Variants in PCDH9 observed in about 807,000 individuals in gnomAD.
PCDH9 encodes the protein protocadherin-9.
Under a neutral mutation model 70.6 loss-of-function variants are expected in PCDH9, and 24 were observed. The ratio of observed to expected loss-of-function variants is 0.34; its 90% confidence interval spans 0.25 to 0.48. The LOEUF (loss-of-function observed/expected upper bound fraction) is 0.48, where lower values mean the gene tolerates loss of function less well. Among genes scored for constraint, PCDH9 ranks in the 20% least tolerant of loss-of-function variants. The pLI is 0.99. For missense variants in PCDH9, 1,281 were observed against 1,503.6 expected, an observed-to-expected ratio of 0.85 and a Z score of 2.45; for synonymous variants, 562 against 558.5, an observed-to-expected ratio of 1.01 and a Z score of -0.09.
rs73503500 is a variant in PCDH9 at position 66,940,597 on chromosome 13, T to C, written c.3037-36992A>G. Among the ~76,000 whole-genome samples, 218 of 152,202 alleles carry C rather than the reference T, an allele frequency of 1.4e-3. 1 individual carries two copies. The highest frequency in any genetic ancestry group is 5.2e-3 in the African/African-American group (215 of 41,558). On this transcript the variant is annotated intron_variant, in intron 2 of 4. Transcript: ENST00000377865. ...TTTGAATAATAAAGAGCATCAAAACTGTAATGAAAGAAAATGAAAATCAGT... is the reference window on the plus strand; with the variant it reads ...TTTGAATAATAAAGAGCATCAAAACCGTAATGAAAGAAAATGAAAATCAGT...
At chr13:66,438,614 C>T (rs7986387) in intron 4 of PCDH9, among the ~76,000 whole-genome samples, 142,121 of 152,272 alleles carry the variant, frequency 0.93, 66,755 homozygotes, top group Non-Finnish European at 0.98. Context: ...GTGACTGTTA[C>T]GGCCCTTGCA....
chr13:66,416,750 A>G (rs1157741568), intron 4 of PCDH9, among the ~76,000 whole-genome samples: 2 of 152,146 alleles, frequency 1.3e-5, no homozygotes, highest in Admixed American at 1.3e-4. Context: ...TGTAGCAACA[A>G]AATTGGTAGT....
intron 2 of PCDH9, among the ~76,000 whole-genome samples, chr13:67,046,805 T>C (rs2139920782): frequency 6.6e-6 from 1 of 152,160 alleles, no homozygotes; most frequent in African/African-American, 2.4e-5. Flanking sequence ...AATATAAACT[T>C]ATTTTTATCT....
intron 2 of PCDH9, among the ~76,000 whole-genome samples, chr13:67,122,943 CATT>C (rs1167214081): frequency 1.3e-5 from 2 of 151,914 alleles, no homozygotes; most frequent in Non-Finnish European, 2.9e-5. Flanking sequence ...ACAACTCTGT[CATT>C]ATTTTTGTTA....
At chr13:67,140,036 C>CCCA in intron 2 of PCDH9, among the ~76,000 whole-genome samples, 1 of 131,462 alleles carries the variant, frequency 7.6e-6, no homozygotes, top group Admixed American at 7.9e-5. Flanking sequence ...CCCCCCCCCC[C>CCCA]CCGCCCATTG....
intron 4 of PCDH9, among the ~76,000 whole-genome samples, chr13:66,410,044 G>A (rs1049702937): frequency 6.6e-5 from 10 of 151,974 alleles, no homozygotes; most frequent in South Asian, 2.1e-4. Flanking sequence ...CACTTCACAC[G>A]GGAAATCAAT....
At chr13:66,562,760 C>A (rs2138713403) in intron 4 of PCDH9, among the ~76,000 whole-genome samples, 1 of 152,148 alleles carries the variant, frequency 6.6e-6, no homozygotes, top group South Asian at 2.1e-4. Context: ...GTGGTCAGAG[C>A]AAAGCTGTCT....
chr13:66,850,543 A>T (rs1375158109), intron 3 of PCDH9, among the ~76,000 whole-genome samples: 1 of 152,088 alleles, frequency 6.6e-6, no homozygotes, highest in African/African-American at 2.4e-5. Context: ...ATGTAAGTTA[A>T]ATTAGCAACA....
intron 2 of PCDH9, among the ~76,000 whole-genome samples, chr13:67,159,403 A>C (rs1452615848): frequency 6.6e-6 from 1 of 152,210 alleles, no homozygotes. Flanking sequence ...ACATGACTTG[A>C]AGCCATCATA....
At position 66,807,883 on chromosome 13, in the gene PCDH9, G is replaced by A. The variant is rs1393606177; in HGVS notation, c.3138+95621C>T. 2.6e-5 allele frequency among the ~76,000 whole-genome samples: 4 copies of A among 152,070 alleles called. No individual in the cohort carries two copies. The South Asian group carries it at 6.2e-4, about 24-fold the overall frequency. On this transcript the variant is annotated intron_variant, in intron 3 of 4. Transcript: ENST00000377865. The stretch of plus-strand genomic sequence containing the variant: ...ATGAACTTTCATGAACTCATGGATG[G>A]TAAAATCTAAAGAAGTCAGATATAC...
chr13:66,834,798 A>C (rs945860263), intron 3 of PCDH9, among the ~76,000 whole-genome samples: 3 of 152,232 alleles, frequency 2.0e-5, no homozygotes, highest in South Asian at 2.1e-4. Context: ...CTGTAAGTGA[A>C]GCTTCCTACT....
At chr13:67,072,368 CT>C (rs890795683) in intron 2 of PCDH9, among the ~76,000 whole-genome samples, 2 of 152,136 alleles carry the variant, frequency 1.3e-5, no homozygotes, top group African/African-American at 4.8e-5. Context: ...TTAGAACAGC[CT>C]TTGCTGAGGT....
intron 2 of PCDH9, among the ~76,000 whole-genome samples, chr13:67,037,199 T>G (rs996611861): frequency 3.3e-5 from 5 of 152,194 alleles, no homozygotes; most frequent in African/African-American, 9.6e-5. Flanking sequence ...GGAGAAGTTT[T>G]GGATTTTTGT....
rs142902243 is a variant in PCDH9 at position 66,559,015 on chromosome 13, T to C, written c.3340+72195A>G. On this transcript the variant is annotated intron_variant, in intron 4 of 4. Coordinates refer to ENST00000377865, the MANE Select transcript of PCDH9 (RefSeq NM_203487.3). ...CACAGAGTTTTGAAGTCTTGATAAGTGGGGTCAGTAGGAATGATTAAAAGG... is the reference window on the plus strand; with the variant it reads ...CACAGAGTTTTGAAGTCTTGATAAGCGGGGTCAGTAGGAATGATTAAAAGG... 1.9e-3 allele frequency among the ~76,000 whole-genome samples: 292 copies of C among 152,192 alleles called. 1 individual carries two copies. The highest frequency in any genetic ancestry group is 6.6e-3 in the African/African-American group (276 of 41,528).
In PCDH9 at chr13:66,776,836, A is replaced by G. The variant is rs948154860; in HGVS notation, c.3138+126668T>C. Among the ~76,000 whole-genome samples, 3 of 136,452 alleles carry G rather than the reference A, an allele frequency of 2.2e-5. 1 individual carries two copies. The highest frequency in any genetic ancestry group is 4.8e-5 in the Non-Finnish European group (3 of 62,564). 89.5% of individuals were successfully genotyped at this position (136,452 alleles called of 152,430 possible). On this transcript the variant is annotated intron_variant, in intron 3 of 4. Transcript: ENST00000377865. Reference sequence around the variant, plus strand: ...CGCATCACCAAGTCAATCCTAAGCCAAAAGAACAAAGCTGGAGGCATCATG... The same window carrying G: ...CGCATCACCAAGTCAATCCTAAGCCGAAAGAACAAAGCTGGAGGCATCATG...
At chr13:66,713,627 A>ATATATATATG (rs2078827616) in intron 3 of PCDH9, among the ~76,000 whole-genome samples, 1 of 64,422 alleles carries the variant, frequency 1.6e-5, no homozygotes, top group Non-Finnish European at 3.7e-5. Context: ...GTGTGTGTGT[A>ATATATATATG]TATATATATA....
intron 2 of PCDH9, among the ~76,000 whole-genome samples, chr13:67,168,172 A>C (rs1367285803): frequency 1.3e-5 from 2 of 152,226 alleles, no homozygotes; most frequent in African/African-American, 2.4e-5. Flanking sequence ...ATTTATGACA[A>C]GTTGTGACAA....
chr13:66,304,968 A>C lies in PCDH9; in HGVS notation c.3401T>G (p.Leu1134Trp). ...GCAATTATCAGAGTGACCCAAAACC[A>C]AGCACTCTTGAGTGCACATCTCTGT... ...EATEMCTQEC[L>W]VLGHSDNCWM... is the part of the protein sequence containing the mutation. The change falls in exon 5 of 5, where the codon TTG (leucine) becomes TGG (tryptophan). Residue 1134 changes from leucine (L) to tryptophan (W), a missense_variant. Coordinates refer to ENST00000377865, the MANE Select transcript of PCDH9 (RefSeq NM_203487.3). The C allele has an allele frequency of 1.9e-6, 3 of 1,613,250 alleles. No individual in the cohort carries two copies. Among genetic ancestry groups the C allele is most frequent in the Non-Finnish European group, 2.5e-6 (3 of 1,179,534 alleles).
At chr13:66,389,201 G>GT (rs1373180679) in intron 4 of PCDH9, among the ~76,000 whole-genome samples, 1 of 152,006 alleles carries the variant, frequency 6.6e-6, no homozygotes, top group African/African-American at 2.4e-5. Flanking sequence ...TTTATAATGT[G>GT]TTTAAAAATA....
Sources: allele counts gnomAD v4.1 joint callset (sites outside exome capture counted in the v4.1 genomes callset), GRCh38; gene constraint gnomAD v4.1.1; transcripts MANE v1.5; gene names NCBI Gene and HGNC (gene_info 2026-07-23, HGNC 2026-07-21).